FAM135A: variants seen among roughly 807,000 people sequenced by gnomAD.
FAM135A encodes the protein family with sequence similarity 135 member A.
In FAM135A, 79 loss-of-function variants were observed where a neutral mutation model predicts 146.8. The observed-to-expected ratio is 0.54, with a 90% CI of 0.45 to 0.65. The LOEUF (loss-of-function observed/expected upper bound fraction) is 0.65. FAM135A is among the 30% of genes least tolerant of loss of function. The pLI, the probability that FAM135A is intolerant of heterozygous loss-of-function variation, is 0.00. For missense variants in FAM135A, 1,623 were observed against 1,758.2 expected (o/e 0.92, Z 1.38); for synonymous variants, 562 against 603.6 (o/e 0.93, Z 1.01).
intron 2 of FAM135A, among the ~76,000 whole-genome samples, chr6:70,421,152 G>A (rs1768742571): frequency 6.6e-6 from 1 of 151,896 alleles, no homozygotes; most frequent in Non-Finnish European, 1.5e-5. Context: ...CCAAAGTGCT[G>A]GGATTATAGG....
At chr6:70,465,631 C>T (rs140980065) in intron 5 of FAM135A, among the ~76,000 whole-genome samples, 2,238 of 152,208 alleles carry the variant, frequency 0.015, 18 homozygotes, top group Middle Eastern at 0.038. Context: ...CCTCCTGCCT[C>T]GGCCTCCTAA....
At chr6:70,492,197 C>T (rs188289896) in intron 11 of FAM135A, among the ~76,000 whole-genome samples, 4 of 151,608 alleles carry the variant, frequency 2.6e-5, no homozygotes, top group Admixed American at 2.6e-4. Flanking sequence ...AATAAAAAGA[C>T]AAGTCAGAGG....
chr6:70,491,559 C>T (rs1252088529), intron 11 of FAM135A, among the ~76,000 whole-genome samples: 1 of 151,798 alleles, frequency 6.6e-6, no homozygotes, highest in African/African-American at 2.4e-5. Flanking sequence ...GTATGTTTCA[C>T]TATGCATTCA....
At chr6:70,528,549 AT>A (rs201549479) in intron 16 of FAM135A, 97 bp downstream of exon 16, 15,086 of 1,082,808 alleles carry the variant, frequency 0.014, 178 homozygotes, top group Middle Eastern at 0.077. Context: ...CTAAAAAAAG[AT>A]TTTTTAATTG....
intron 12 of FAM135A, among the ~76,000 whole-genome samples, chr6:70,522,021 A>G (rs1262460432): frequency 6.6e-6 from 1 of 152,090 alleles, no homozygotes. Flanking sequence ...GGTTCAGGCG[A>G]TTCTCCTGCC....
chr6:70,544,811 G>T (rs192588393), intron 20 of FAM135A, among the ~76,000 whole-genome samples: 2 of 152,038 alleles, frequency 1.3e-5, no homozygotes, highest in East Asian at 3.9e-4. Context: ...CGTACTTTGG[G>T]AGGCTGAGGC....
chr6:70,442,337 G>T lies in FAM135A; in HGVS notation c.78-10155G>T, dbSNP rs1442505552. On this transcript the variant is annotated intron_variant, in intron 4 of 21. Transcript: ENST00000418814. ...ACTTGAAGTATTTCTCTGTGGAATT[G>T]CAATCAAGTAGATATACATTAAATT... 4.1e-5 allele frequency among the ~76,000 whole-genome samples: 6 copies of T among 145,264 alleles called. No individual in the cohort carries two copies. In the Admixed American group the frequency reaches 4.3e-4, roughly 10 times the overall value.
intron 2 of FAM135A, among the ~76,000 whole-genome samples, chr6:70,418,759 C>T (rs554407839): frequency 6.6e-6 from 1 of 152,330 alleles, no homozygotes; most frequent in South Asian, 2.1e-4. Context: ...TCAAGAAATA[C>T]GACTATAACT....
Position 70,533,853 on chromosome 6 carries a change from AG to A in FAM135A, c.3965+1del, listed in dbSNP as rs1351320611. On this transcript the variant is annotated frameshift_variant and splice_region_variant, in exon 18 of 22. Transcript: ENST00000418814. LOFTEE classifies it high-confidence loss of function. ...QIYSLTVSKI[S>X]FIGHSLGNLI... ...ATATAGTCTAACAGTCTCAAAAATAAGGTATCTTCTTTAATATTATGCAATT... is the reference window on the plus strand; with the variant it reads ...ATATAGTCTAACAGTCTCAAAAATAAGTATCTTCTTTAATATTATGCAATT... The A allele has an allele frequency of 7.0e-7, 1 of 1,423,072 alleles. No homozygotes were observed. Among genetic ancestry groups the A allele is most frequent in the South Asian group, 1.4e-5 (1 of 71,284 alleles). 88.2% of individuals were successfully genotyped at this position (1,423,072 alleles called of 1,614,324 possible).
chr6:70,537,212 G>T lies in FAM135A; in HGVS notation c.4117+801G>T, dbSNP rs577779546. On this transcript the variant is annotated intron_variant, in intron 19 of 21. Coordinates refer to ENST00000418814, the MANE Select transcript of FAM135A (RefSeq NM_001162529.3). ...GCCTCCCAAAGTGCTAGGATTACAG[G>T]TGTGAGCCACTGCGCCTGGCCTTGA... 3.3e-5 allele frequency among the ~76,000 whole-genome samples: 5 copies of T among 152,268 alleles called. No individual in the cohort carries two copies. In the South Asian group the frequency reaches 8.3e-4, roughly 25 times the overall value.
At position 70,428,971 on chromosome 6, in the gene FAM135A, A is replaced by G. The variant is rs1770831727; in HGVS notation, c.77+552A>G. Reference sequence around the variant, plus strand: ...ATCAATGGTACCTATAAAGCAATGTAATAACTTCTTGGCGTTTTGGCTAAG... The same window carrying G: ...ATCAATGGTACCTATAAAGCAATGTGATAACTTCTTGGCGTTTTGGCTAAG... On this transcript the variant is annotated intron_variant, in intron 4 of 21. Transcript: ENST00000418814. Among the ~76,000 whole-genome samples, 3 of 152,226 alleles carry G rather than the reference A, an allele frequency of 2.0e-5. No homozygotes were observed. The South Asian group carries it at 6.2e-4, about 32-fold the overall frequency.
chr6:70,436,616 G>GAA (rs891165668), intron 4 of FAM135A, among the ~76,000 whole-genome samples: 2 of 149,904 alleles, frequency 1.3e-5, no homozygotes, highest in Non-Finnish European at 3.0e-5. Context: ...TTGGCGATAT[G>GAA]AAAAAAAAAC....
At chr6:70,424,316 A>G (rs9446244) in intron 2 of FAM135A, among the ~76,000 whole-genome samples, 2,709 of 152,330 alleles carry the variant, frequency 0.018, 71 homozygotes, top group African/African-American at 0.062. Flanking sequence ...AATTTATTTG[A>G]CAAATACTAT....
At chr6:70,445,541 A>C (rs1019202624) in intron 4 of FAM135A, among the ~76,000 whole-genome samples, 2 of 152,240 alleles carry the variant, frequency 1.3e-5, no homozygotes, top group African/African-American at 4.8e-5. Flanking sequence ...GTTTCTATAA[A>C]TACTAGATTA....
chr6:70,462,127 C>CT (rs1779557363), intron 5 of FAM135A, among the ~76,000 whole-genome samples: 1 of 152,202 alleles, frequency 6.6e-6, no homozygotes, highest in African/African-American at 2.4e-5. Flanking sequence ...AGAATTCACT[C>CT]TATGTGTAGA....
intron 10 of FAM135A, among the ~76,000 whole-genome samples, chr6:70,490,497 G>C (rs757177067): frequency 2.6e-5 from 4 of 151,844 alleles, no homozygotes; most frequent in Non-Finnish European, 4.4e-5. Context: ...CTCAGTTTAA[G>C]AATATTTTAT....
intron 10 of FAM135A, among the ~76,000 whole-genome samples, chr6:70,490,700 C>T (rs1562511332): frequency 6.6e-6 from 1 of 151,942 alleles, no homozygotes; most frequent in Non-Finnish European, 1.5e-5. Context: ...CTAAACTGTA[C>T]TGGAAATTAT....
At chr6:70,531,145 G>A (rs9455148) in intron 16 of FAM135A, among the ~76,000 whole-genome samples, 3,859 of 152,258 alleles carry the variant, frequency 0.025, 169 homozygotes, top group African/African-American at 0.088. Context: ...GCATTTTTCT[G>A]CAAAAGCTTT....
chr6:70,447,524 A>C (rs1279786481), intron 4 of FAM135A, among the ~76,000 whole-genome samples: 1 of 152,198 alleles, frequency 6.6e-6, no homozygotes, highest in Non-Finnish European at 1.5e-5. Context: ...GGGGTTCCTC[A>C]GGCAGAAGGC....
Sources: allele counts gnomAD v4.1 joint callset (sites outside exome capture counted in the v4.1 genomes callset), GRCh38; gene constraint gnomAD v4.1.1; transcripts MANE v1.5; gene names NCBI Gene and HGNC (gene_info 2026-07-23, HGNC 2026-07-21).